Variants in EPS8 observed in about 807,000 individuals in gnomAD.
EPS8 encodes the protein epidermal growth factor receptor kinase substrate 8.
A neutral mutation model predicts 103.8 loss-of-function variants in EPS8; 42 were observed. The ratio of observed to expected loss-of-function variants is 0.40; its 90% confidence interval spans 0.32 to 0.52. The LOEUF (loss-of-function observed/expected upper bound fraction) is 0.52, where lower values mean the gene tolerates loss of function less well. EPS8 is among the 20% of genes least tolerant of loss of function. EPS8 has a pLI of 0.40. For missense variants in EPS8, 969 were observed against 1,005.1 expected (o/e 0.96, Z 0.49); for synonymous variants, 344 against 344.6 (o/e 1.00, Z 0.02).
intron 17 of EPS8, among the ~76,000 whole-genome samples, chr12:15,635,586 T>C (rs900436402): frequency 6.6e-6 from 1 of 152,128 alleles, no homozygotes; most frequent in Non-Finnish European, 1.5e-5. Flanking sequence ...AGGCTGAAAT[T>C]AGTAGTGTTA....
rs1374452487 is a variant in EPS8 at position 15,727,420 on chromosome 12, GTGTTT to G, written c.-21-44453_-21-44449del. On this transcript the variant is annotated intron_variant, in intron 1 of 20. Coordinates refer to ENST00000281172, the MANE Select transcript of EPS8 (RefSeq NM_004447.6). This position sits in a 1 kb window ranked among gnomAD's most constrained non-coding sequence, Gnocchi z 4.3. ...CTTGTGTCCATCACTCCTCATTCTT[GTGTTT>G]TATTTTAAACATAATTGAAACACTT... Among the ~76,000 whole-genome samples the G allele has an allele frequency of 2.0e-5, 3 of 152,028 alleles. No homozygotes were observed. The highest frequency in any genetic ancestry group is 7.2e-5 in the African/African-American group (3 of 41,380).
At chr12:15,755,777 A>C (rs890380048) in intron 1 of EPS8, among the ~76,000 whole-genome samples, 2 of 151,990 alleles carry the variant, frequency 1.3e-5, no homozygotes, top group African/African-American at 4.8e-5. Context: ...TCTTCCCCCA[A>C]TGATTCCTTC....
At chr12:15,625,636 T>C (rs1050750419) in intron 18 of EPS8, among the ~76,000 whole-genome samples, 2 of 152,160 alleles carry the variant, frequency 1.3e-5, no homozygotes, top group Admixed American at 6.5e-5. Flanking sequence ...CAGCACACAT[T>C]TGAAGCAGAA....
At chr12:15,674,376 T>A (rs2135863065) in intron 3 of EPS8, among the ~76,000 whole-genome samples, 1 of 152,298 alleles carries the variant, frequency 6.6e-6, no homozygotes, top group South Asian at 2.1e-4. Flanking sequence ...CTCATATTAC[T>A]TTATACTTAC....
rs969504119 is a variant in EPS8 at position 15,772,990 on chromosome 12, A to G, written c.-22+16171T>C. Among the ~76,000 whole-genome samples, 2 of 152,196 alleles carry G rather than the reference A, an allele frequency of 1.3e-5. No individual in the cohort carries two copies. Among genetic ancestry groups the G allele is most frequent in the South Asian group, 4.1e-4 (2 of 4,828 alleles). On this transcript the variant is annotated intron_variant, in intron 1 of 20. Coordinates refer to ENST00000281172, the MANE Select transcript of EPS8 (RefSeq NM_004447.6). The surrounding 1 kb of genome is among the most constrained non-coding windows in gnomAD (Gnocchi z 5.0). ...GCTTTTAGAAGATGGCAGATGACCT[A>G]CAGACATAAGCTCAGCATCAGACCA...
At chr12:15,715,481 G>A (rs1317578720) in intron 1 of EPS8, among the ~76,000 whole-genome samples, 4 of 138,702 alleles carry the variant, frequency 2.9e-5, no homozygotes, top group African/African-American at 1.1e-4. Context: ...TGCAGCTTCC[G>A]CCTACTGGGT....
chr12:15,703,424 C>T (rs1353312349), intron 1 of EPS8, among the ~76,000 whole-genome samples: 1 of 152,084 alleles, frequency 6.6e-6, no homozygotes. Flanking sequence ...ACAGTAACAT[C>T]AGGTCTTGAA....
At chr12:15,718,105 C>T (rs1406607465) in intron 1 of EPS8, among the ~76,000 whole-genome samples, 1 of 152,222 alleles carries the variant, frequency 6.6e-6, no homozygotes, top group Non-Finnish European at 1.5e-5. Flanking sequence ...TGCACCAAGT[C>T]TGCCACTTAA....
chr12:15,631,703 T>C (rs1945050820), intron 17 of EPS8, 39 bp from the exon 18 acceptor site: 3 of 1,499,618 alleles, frequency 2.0e-6, no homozygotes, highest in South Asian at 1.2e-5. Context: ...ATTTAAAAAA[T>C]ATAAACCTAG....
At position 15,693,852 on chromosome 12, in the gene EPS8, T is replaced by C. The variant is rs572463290; in HGVS notation, c.-21-10880A>G. ...CTGAGAGCTGAACAATGAGAACACATGGACACAGGGAGGGGAAAAAATACA... is the reference window on the plus strand; with the variant it reads ...CTGAGAGCTGAACAATGAGAACACACGGACACAGGGAGGGGAAAAAATACA... On this transcript the variant is annotated intron_variant, in intron 1 of 20. Coordinates refer to ENST00000281172, the MANE Select transcript of EPS8 (RefSeq NM_004447.6). This position sits in a 1 kb window ranked among gnomAD's most constrained non-coding sequence, Gnocchi z 5.6. 2.0e-5 allele frequency among the ~76,000 whole-genome samples: 3 copies of C among 151,980 alleles called. No homozygotes were observed. In the South Asian group the frequency reaches 6.2e-4, roughly 32 times the overall value.
chr12:15,705,906 T>G (rs1343214864), intron 1 of EPS8, among the ~76,000 whole-genome samples: 2 of 152,020 alleles, frequency 1.3e-5, no homozygotes, highest in African/African-American at 4.8e-5. Context: ...TTGATATCAT[T>G]AACTAAAGTT....
chr12:15,679,516 C>A (rs1945967798), intron 3 of EPS8, among the ~76,000 whole-genome samples: 1 of 152,156 alleles, frequency 6.6e-6, no homozygotes, highest in African/African-American at 2.4e-5. Context: ...AAATATGGGC[C>A]ACCTTCACAG....
rs973750266 is a variant in EPS8, at chr12:15,637,381, C to T, written c.1821+3322G>A. On this transcript the variant is annotated intron_variant, in intron 17 of 20. Transcript: ENST00000281172. ...ACAGCAGAATGCAACACAGCACAGG[C>T]TCTGGATCCAGAGTGCTGGGGCCCA... is the stretch of plus-strand genomic sequence containing the variant. Among the ~76,000 whole-genome samples the T allele has an allele frequency of 6.6e-5, 10 of 152,354 alleles. No homozygotes were observed. The East Asian group carries it at 1.7e-3, about 26-fold the overall frequency.
chr12:15,765,450 C>A (rs1275709775), intron 1 of EPS8, among the ~76,000 whole-genome samples: 1 of 151,866 alleles, frequency 6.6e-6, no homozygotes, highest in African/African-American at 2.4e-5. Context: ...TAGTCCCTTG[C>A]TGAGGGCAAA....
At position 15,625,800 on chromosome 12, in the gene EPS8, C is replaced by T. The variant is rs574267406; in HGVS notation, c.2045-1393G>A. Among the ~76,000 whole-genome samples the T allele has an allele frequency of 2.6e-5, 4 of 152,252 alleles. No individual in the cohort carries two copies. In the South Asian group the frequency reaches 8.3e-4, roughly 32 times the overall value. On this transcript the variant is annotated intron_variant, in intron 18 of 20. Coordinates refer to ENST00000281172, the MANE Select transcript of EPS8 (RefSeq NM_004447.6). ...ATATTAAGGTGCTCTAGGGGACACTCCTGAGACTCATCTCTGCCAGCACTA... is the reference window on the plus strand; with the variant it reads ...ATATTAAGGTGCTCTAGGGGACACTTCTGAGACTCATCTCTGCCAGCACTA...
In EPS8 at chr12:15,727,582, G is replaced by A. The variant is rs1346026059; in HGVS notation, c.-21-44610C>T. 2.0e-5 allele frequency among the ~76,000 whole-genome samples: 3 copies of A among 152,232 alleles called. No individual in the cohort carries two copies. Among genetic ancestry groups the A allele is most frequent in the Non-Finnish European group, 4.4e-5 (3 of 68,050 alleles). ...ACTCATTAAAATAAAGAATAAGGCTGGGCACAGTGGCTCACGCCTGTAATT... is the reference window on the plus strand; with the variant it reads ...ACTCATTAAAATAAAGAATAAGGCTAGGCACAGTGGCTCACGCCTGTAATT... On this transcript the variant is annotated intron_variant, in intron 1 of 20. Transcript: ENST00000281172. The surrounding 1 kb of genome is among the most constrained non-coding windows in gnomAD (Gnocchi z 4.3).
In EPS8 at chr12:15,731,154, TGCTATCCAGGTTTTTAGCTA is replaced by T. The variant is rs1946711714; in HGVS notation, c.-21-48202_-21-48183del. Among the ~76,000 whole-genome samples the T allele has an allele frequency of 6.6e-6, 1 of 152,242 alleles. No homozygotes were observed. The highest frequency in any genetic ancestry group is 1.5e-5 in the Non-Finnish European group (1 of 68,038). Reference sequence around the variant, plus strand: ...GAATAATTAAAATGTCATGGGCAACTGCTATCCAGGTTTTTAGCTAGCTTAACCAAATCCTCTAAACAGAA... The same window carrying T: ...GAATAATTAAAATGTCATGGGCAACTGCTTAACCAAATCCTCTAAACAGAA... On this transcript the variant is annotated intron_variant, in intron 1 of 20. Transcript: ENST00000281172. This position sits in a 1 kb window ranked among gnomAD's most constrained non-coding sequence, Gnocchi z 5.1.
chr12:15,669,238 G>T (rs1266703703), intron 6 of EPS8, 149 bp downstream of exon 6: 1 of 599,294 alleles, frequency 1.7e-6, no homozygotes, highest in Non-Finnish European at 2.8e-6. Context: ...AAATCCTAGA[G>T]AAGATACTAA....
intron 10 of EPS8, among the ~76,000 whole-genome samples, chr12:15,660,233 C>T (rs759254725): frequency 1.3e-4 from 20 of 151,908 alleles, no homozygotes; most frequent in Middle Eastern, 3.4e-3. Flanking sequence ...TGAAGTTTTG[C>T]TAAGTAGTTC....
Sources: allele counts gnomAD v4.1 joint callset (sites outside exome capture counted in the v4.1 genomes callset), GRCh38; gene constraint gnomAD v4.1.1; non-coding constraint Gnocchi (gnomAD v3.1); transcripts MANE v1.5; gene names NCBI Gene and HGNC (gene_info 2026-07-23, HGNC 2026-07-21).